Variants in POC5 observed in about 807,000 individuals in gnomAD.
POC5 encodes POC5 centriolar protein, also known as centrosomal protein POC5.
In POC5, 48 loss-of-function variants were observed where a neutral mutation model predicts 62.9. That is an observed-to-expected ratio of 0.76 (90% CI 0.61 to 0.97). POC5 has a LOEUF of 0.97. Ranked by LOEUF, POC5 falls within the 50% of genes least tolerant of loss-of-function variation. The pLI, the probability that POC5 is intolerant of heterozygous loss-of-function variation, is 0.00. For synonymous variants in POC5, 236 were observed against 228.2 expected (o/e 1.03, Z -0.31); for missense variants, 696 against 679.5 (o/e 1.02, Z -0.27).
Position 75,685,295 on chromosome 5 carries a change from G to C in POC5, c.1319C>G (p.Ser440Cys), listed in dbSNP as rs1346763184. 1 of 1,614,064 alleles carries C rather than the reference G, an allele frequency of 6.2e-7. No individual in the cohort carries two copies. The highest frequency in any genetic ancestry group is 1.1e-5 in the South Asian group (1 of 91,086). The change falls in exon 10 of 12, where the codon TCT (serine) becomes TGT (cysteine). Residue 440 changes from serine to cysteine, a missense_variant. Physicochemically the swap from Ser to Cys is moderately radical, Grantham distance 112. Transcript: ENST00000428202. Reference sequence around the variant, plus strand: ...AGAAGATGCGGAAGCAGCCCTGGTAGAAGTCATCGAAGCAGCTGAGGGAAC... The same window carrying C: ...AGAAGATGCGGAAGCAGCCCTGGTACAAGTCATCGAAGCAGCTGAGGGAAC... The part of the protein sequence containing the change: ...TAVPSAASMT[S>C]TRAASASSVH...
chr5:75,716,930 A>G (rs1742616041), intron 1 of POC5, among the ~76,000 whole-genome samples: 1 of 152,248 alleles, frequency 6.6e-6, no homozygotes, highest in African/African-American at 2.4e-5. Flanking sequence ...CAGGGACTAG[A>G]AGCAGAGGAG....
chr5:75,695,036 T>C (rs562580243), intron 5 of POC5, among the ~76,000 whole-genome samples: 2 of 152,324 alleles, frequency 1.3e-5, no homozygotes, highest in African/African-American at 4.8e-5. Context: ...CTAGGGAAGC[T>C]AATTTTTTCC....
chr5:75,697,774 A>T (rs1202546553), intron 5 of POC5, among the ~76,000 whole-genome samples: 2 of 151,836 alleles, frequency 1.3e-5, no homozygotes, highest in Non-Finnish European at 2.9e-5. Context: ...CAGACTGGCA[A>T]ATTGGATAAA....
In POC5 at chr5:75,702,872, A is replaced by G. The variant is rs186608151; in HGVS notation, c.308-62T>C. 3.7e-6 allele frequency: 5 copies of G among 1,338,996 alleles called. No homozygotes were observed. In the East Asian group the frequency reaches 1.3e-4, roughly 34 times the overall value. 82.9% of individuals were successfully genotyped at this position (1,338,996 alleles called of 1,614,324 possible). ...TGAAAATAACTCAAGTTGGTAAGGA[A>G]CCATACTGGAAGGCTAAAAGACGTC... On this transcript the variant is annotated intron_variant, in intron 4 of 11. Coordinates refer to ENST00000428202, the MANE Select transcript of POC5 (RefSeq NM_001099271.2).
chr5:75,706,735 G>C (rs1777137026), intron 3 of POC5, among the ~76,000 whole-genome samples: 1 of 151,868 alleles, frequency 6.6e-6, no homozygotes, highest in Non-Finnish European at 1.5e-5. Context: ...TTTTTTTGTA[G>C]AGCTAGGGTT....
chr5:75,713,572 G>A (rs1777435564), intron 1 of POC5, among the ~76,000 whole-genome samples: 1 of 152,190 alleles, frequency 6.6e-6, no homozygotes, highest in Non-Finnish European at 1.5e-5. Flanking sequence ...AATCTGTAGA[G>A]AGGGCCAGGC....
Position 75,689,243 on chromosome 5 carries a change from T to C in POC5, c.976-78A>G, listed in dbSNP as rs1776219533. 1.4e-5 allele frequency: 20 copies of C among 1,409,924 alleles called. No individual in the cohort carries two copies. The South Asian group carries it at 3.1e-4, about 22-fold the overall frequency. The allele number at this position is 1,409,924 out of a possible 1,614,324, so 87.3% of individuals were successfully genotyped here. A position where few individuals can be genotyped will look rare whatever the true frequency, so the allele number is the denominator to read the frequency against. On this transcript the variant is annotated intron_variant, in intron 8 of 11. Transcript: ENST00000428202. Reference sequence around the variant, plus strand: ...CTGTCAAAAAAATAGATATATACTTTGAGATTATTCTCATGTGAAATATTA... The same window carrying C: ...CTGTCAAAAAAATAGATATATACTTCGAGATTATTCTCATGTGAAATATTA...
chr5:75,715,309 C>CAAAAAAAAAA (rs922297009), intron 1 of POC5, among the ~76,000 whole-genome samples: 1 of 59,316 alleles, frequency 1.7e-5, no homozygotes, highest in African/African-American at 6.2e-5. Context: ...GACTCCGTCT[C>CAAAAAAAAAA]AAAAAAAAAA....
chr5:75,683,508 C>G (rs1775950356), intron 10 of POC5, among the ~76,000 whole-genome samples: 1 of 152,278 alleles, frequency 6.6e-6, no homozygotes, highest in Middle Eastern at 3.4e-3. Context: ...GTTGGGATTA[C>G]AGGCATGAGC....
chr5:75,683,658 G>A (rs536371569), intron 10 of POC5, among the ~76,000 whole-genome samples: 2 of 151,812 alleles, frequency 1.3e-5, no homozygotes, highest in Non-Finnish European at 1.5e-5. Flanking sequence ...AACAACAGGA[G>A]GCTAAGGAGT....
At position 75,694,717 on chromosome 5, in the gene POC5, G is replaced by T. The variant is rs763928150; in HGVS notation, c.628C>A (p.Gln210Lys). 6.2e-7 allele frequency: 1 copy of T among 1,604,542 alleles called. No individual in the cohort carries two copies. The highest frequency in any genetic ancestry group is 1.1e-5 in the South Asian group (1 of 89,206). ...TGCAGCTCCTTCAATTCATTGATCTGATTACACAGTTGTTTTAAATGTGCT... is the reference window on the plus strand; with the variant it reads ...TGCAGCTCCTTCAATTCATTGATCTTATTACACAGTTGTTTTAAATGTGCT... ...HAAHLKQLCN[Q>K]INELKELQKT... The change falls in exon 6 of 12, where the codon CAG becomes AAG. Residue 210 changes from glutamine (Q) to lysine (K), a missense_variant. Physicochemically the swap from Gln to Lys is moderately conservative, Grantham distance 53. Coordinates refer to ENST00000428202, the MANE Select transcript of POC5 (RefSeq NM_001099271.2).
intron 5 of POC5, among the ~76,000 whole-genome samples, chr5:75,698,608 G>A (rs1037724312): frequency 5.9e-5 from 9 of 151,776 alleles, no homozygotes; most frequent in Non-Finnish European, 4.4e-5. Flanking sequence ...GCCCACAAGA[G>A]AAAGGAGGAA....
At chr5:75,676,135 T>G (rs907497635) in intron 11 of POC5, among the ~76,000 whole-genome samples, 2 of 152,224 alleles carry the variant, frequency 1.3e-5, no homozygotes, top group Admixed American at 1.3e-4. Context: ...CTGTAAAATA[T>G]GAATTCCCAT....
At chr5:75,689,673 T>G (rs1776240031) in intron 8 of POC5, 1 of 985,148 alleles carries the variant, frequency 1.0e-6, no homozygotes, top group South Asian at 4.7e-5. Flanking sequence ...TTGCATGTCG[T>G]AGTGAACTGC....
intron 1 of POC5, among the ~76,000 whole-genome samples, chr5:75,714,855 G>A (rs1007804995): frequency 6.6e-6 from 1 of 152,136 alleles, no homozygotes; most frequent in African/African-American, 2.4e-5. Context: ...AGCATTGTGG[G>A]AGCGCCGCAC....
chr5:75,705,743 C>T lies in POC5; in HGVS notation c.268G>A (p.Gly90Arg), dbSNP rs868702658. Residue 90 changes from glycine to arginine, a missense_variant, in exon 4 of 12, where the codon GGA becomes AGA. Coordinates refer to ENST00000428202, the MANE Select transcript of POC5 (RefSeq NM_001099271.2). ...TGACTTGAAATATGGAAATCACATC[C>T]TTTTCCAACTTCTATTGCAGTTTCT... ...VRETAIEVGK[G>R]CDFHISSHSK... 1.3e-6 allele frequency: 2 copies of T among 1,555,088 alleles called. No individual in the cohort carries two copies.
chr5:75,710,204 G>A lies in POC5; in HGVS notation c.85-2329C>T, dbSNP rs559627204. Among the ~76,000 whole-genome samples, 21 of 152,328 alleles carry A rather than the reference G, an allele frequency of 1.4e-4. No individual in the cohort carries two copies. In the South Asian group the frequency reaches 4.1e-3, roughly 30 times the overall value. The stretch of plus-strand genomic sequence containing the variant: ...ATCAGCTCAGAATTTATGAGAGACA[G>A]AATGAAACTGTAAGGAACCCACTTA... On this transcript the variant is annotated intron_variant, in intron 2 of 11. Coordinates refer to ENST00000428202, the MANE Select transcript of POC5 (RefSeq NM_001099271.2).
chr5:75,699,367 A>G (rs541857031), intron 5 of POC5, among the ~76,000 whole-genome samples: 11,566 of 151,798 alleles, frequency 0.076, 457 homozygotes, highest in South Asian at 0.11. Context: ...AAGCTTATCC[A>G]CCATGATCAA....
At chr5:75,693,279 T>C (rs964632840) in intron 6 of POC5, among the ~76,000 whole-genome samples, 6 of 151,848 alleles carry the variant, frequency 4.0e-5, no homozygotes, top group Middle Eastern at 3.4e-3. Context: ...AATCCTAAGA[T>C]AATATTCTCT....
Sources: gnomAD v4.1 joint callset for allele counts (sites outside exome capture counted in the v4.1 genomes callset) on GRCh38, gnomAD v4.1.1 for gene constraint, MANE v1.5 for transcripts, NCBI Gene and HGNC (gene_info 2026-07-23, HGNC 2026-07-21) for gene names.